LRP1B: variants seen among roughly 807,000 people sequenced by gnomAD.
LRP1B encodes the protein low-density lipoprotein receptor-related protein 1B.
A neutral mutation model predicts 556.6 loss-of-function variants in LRP1B; 217 were observed. The observed-to-expected ratio is 0.39, with a 90% CI of 0.35 to 0.44. The LOEUF is 0.44. Ranked by LOEUF, LRP1B falls within the 20% of genes least tolerant of loss-of-function variation. The pLI, the probability that LRP1B is intolerant of heterozygous loss-of-function variation, is 1.00. For synonymous variants in LRP1B, 2,047 were observed against 1,865.8 expected, an observed-to-expected ratio of 1.10 and a Z score of -2.50; for missense variants, 5,053 against 5,620.8, an observed-to-expected ratio of 0.90 and a Z score of 3.23.
intron 41 of LRP1B, among the ~76,000 whole-genome samples, chr2:140,637,459 C>G (rs1684109484): frequency 6.6e-6 from 1 of 152,152 alleles, no homozygotes; most frequent in Non-Finnish European, 1.5e-5. Flanking sequence ...TTCTTTAGAA[C>G]TATCTAATGT....
intron 2 of LRP1B, among the ~76,000 whole-genome samples, chr2:141,592,041 T>A (rs1481343794): frequency 6.6e-6 from 1 of 152,128 alleles, no homozygotes; most frequent in Non-Finnish European, 1.5e-5. Flanking sequence ...AACTTTCTCC[T>A]GAAAGACTTC....
At chr2:140,970,905 T>C (rs1696400864) in intron 18 of LRP1B, among the ~76,000 whole-genome samples, 1 of 151,886 alleles carries the variant, frequency 6.6e-6, no homozygotes, top group Non-Finnish European at 1.5e-5. Flanking sequence ...CACACCCTGC[T>C]AATTTTTTGT....
At chr2:141,298,453 T>A (rs748393889) in intron 3 of LRP1B, among the ~76,000 whole-genome samples, 6 of 152,066 alleles carry the variant, frequency 3.9e-5, no homozygotes, top group African/African-American at 4.8e-5. Context: ...TGTAACAAAG[T>A]CACACAAAAA....
intron 2 of LRP1B, among the ~76,000 whole-genome samples, chr2:141,702,576 T>A (rs1410525715): frequency 7.7e-6 from 1 of 129,792 alleles, no homozygotes; most frequent in African/African-American, 3.0e-5. Flanking sequence ...CACCTGTAGG[T>A]CTAGTTCCCA....
At chr2:140,674,318 A>G (rs1359458284) in intron 41 of LRP1B, among the ~76,000 whole-genome samples, 1 of 152,104 alleles carries the variant, frequency 6.6e-6, no homozygotes, top group African/African-American at 2.4e-5. Context: ...TTCTCCATTC[A>G]GGCCCTCCTA....
intron 3 of LRP1B, among the ~76,000 whole-genome samples, chr2:141,377,482 CA>C (rs989949566): frequency 9.9e-5 from 15 of 152,086 alleles, no homozygotes; most frequent in Admixed American, 7.2e-4. Context: ...TTTTTCTAAA[CA>C]AAGATTTGAA....
chr2:141,367,884 CA>C (rs1332673350), intron 3 of LRP1B, among the ~76,000 whole-genome samples: 3 of 151,996 alleles, frequency 2.0e-5, no homozygotes, highest in Non-Finnish European at 4.4e-5. Flanking sequence ...AGCAAAGTAA[CA>C]GAACTCTTGT....
At chr2:140,541,162 A>G (rs1680120745) in intron 44 of LRP1B, 64 bp from the exon 45 acceptor site, 3 of 1,354,654 alleles carry the variant, frequency 2.2e-6, no homozygotes, top group Non-Finnish European at 3.1e-6. Flanking sequence ...TTAGATAAAT[A>G]TTAATCGTAA....
rs530352788 is a variant in LRP1B, at chr2:141,193,612, G to A, written c.851-5029C>T. Among the ~76,000 whole-genome samples, 194 of 151,760 alleles carry A rather than the reference G, an allele frequency of 1.3e-3. 1 individual carries two copies. The highest frequency in any genetic ancestry group is 4.4e-3 in the African/African-American group (184 of 41,402). On this transcript the variant is annotated intron_variant, in intron 6 of 90. Coordinates refer to ENST00000389484, the MANE Select transcript of LRP1B (RefSeq NM_018557.3). ...AGGGTGGAGGATGGGAGGAGGGAGA[G>A]GAGTAGAAAAGACAACTTTTGGGGA...
At chr2:141,389,820 C>T (rs1023804852) in intron 3 of LRP1B, among the ~76,000 whole-genome samples, 1 of 152,082 alleles carries the variant, frequency 6.6e-6, no homozygotes. Flanking sequence ...AGTGGGCAAA[C>T]AACATTGATG....
At chr2:140,794,393 G>A (rs1434536550) in intron 32 of LRP1B, among the ~76,000 whole-genome samples, 2 of 151,134 alleles carry the variant, frequency 1.3e-5, no homozygotes, top group Non-Finnish European at 2.9e-5. Context: ...CATCTTGATG[G>A]TAAAATAAAA....
chr2:141,939,527 G>C (rs1328260158), intron 1 of LRP1B, among the ~76,000 whole-genome samples: 1 of 151,998 alleles, frequency 6.6e-6, no homozygotes, highest in East Asian at 1.9e-4. Flanking sequence ...GAATGTGTAA[G>C]TCAATTATTA....
chr2:141,262,804 A>G (rs1684747393), intron 3 of LRP1B, among the ~76,000 whole-genome samples: 1 of 152,068 alleles, frequency 6.6e-6, no homozygotes, highest in South Asian at 2.1e-4. Context: ...TATTTTGATG[A>G]CAGCAAATCT....
rs568701366 is a variant in LRP1B, at chr2:141,961,141, C to T, written c.83-150740G>A. 2.6e-5 allele frequency among the ~76,000 whole-genome samples: 4 copies of T among 151,424 alleles called. No individual in the cohort carries two copies. In the South Asian group the frequency reaches 6.3e-4, roughly 24 times the overall value. ...TACTTGGAGATAATTATGAGCCAAC[C>T]GAGAGGTAATTTGGCCAAATTAAAT... On this transcript the variant is annotated intron_variant, in intron 1 of 90. Coordinates refer to ENST00000389484, the MANE Select transcript of LRP1B (RefSeq NM_018557.3).
At chr2:141,311,478 A>T (rs1434061912) in intron 3 of LRP1B, among the ~76,000 whole-genome samples, 1 of 151,990 alleles carries the variant, frequency 6.6e-6, no homozygotes, top group East Asian at 1.9e-4. Context: ...TAGGCTGAAT[A>T]GTTGTTGCTG....
intron 1 of LRP1B, among the ~76,000 whole-genome samples, chr2:142,056,201 T>C (rs1704664062): frequency 6.6e-6 from 1 of 152,112 alleles, no homozygotes; most frequent in South Asian, 2.1e-4. Context: ...ATAGATTTTG[T>C]GGTTTTATCT....
At chr2:140,298,535 A>T (rs1258061521) in intron 83 of LRP1B, among the ~76,000 whole-genome samples, 3 of 152,196 alleles carry the variant, frequency 2.0e-5, no homozygotes, top group African/African-American at 7.2e-5. Flanking sequence ...TGGTTAGTAC[A>T]TAAGTGCTAA....
At chr2:141,938,244 C>G (rs75358858) in intron 1 of LRP1B, among the ~76,000 whole-genome samples, 1 of 152,112 alleles carries the variant, frequency 6.6e-6, no homozygotes, top group Non-Finnish European at 1.5e-5. Flanking sequence ...AAGGAACTCA[C>G]ACACTCAATA....
intron 35 of LRP1B, among the ~76,000 whole-genome samples, chr2:140,727,691 G>C (rs762361489): frequency 1.3e-5 from 2 of 152,162 alleles, no homozygotes; most frequent in African/African-American, 4.8e-5. Context: ...AGAGTGATGA[G>C]CATAAACTAT....
Sources: allele counts gnomAD v4.1 joint callset (sites outside exome capture counted in the v4.1 genomes callset), GRCh38; gene constraint gnomAD v4.1.1; transcripts MANE v1.5; gene names NCBI Gene and HGNC (gene_info 2026-07-23, HGNC 2026-07-21).